Variants in DCC observed in about 807,000 individuals in gnomAD.
DCC encodes DCC netrin 1 receptor, also known as netrin receptor DCC.
In DCC, 58 loss-of-function variants were observed where a neutral mutation model predicts 172.5. That is an observed-to-expected ratio of 0.34 (90% CI 0.27 to 0.42). The LOEUF (loss-of-function observed/expected upper bound fraction) is 0.42. Among genes scored for constraint, DCC ranks in the 10% least tolerant of loss-of-function variants. The probability of loss-of-function intolerance (pLI) is 1.00; values close to 1 mark genes in which losing one functional copy is unlikely to be tolerated. For missense variants in DCC, 1,740 were observed against 1,791.0 expected (o/e 0.97, Z 0.51); for synonymous variants, 709 against 644.5 (o/e 1.10, Z -1.52).
intron 5 of DCC, among the ~76,000 whole-genome samples, chr18:53,026,504 T>G (rs921335669): frequency 2.6e-5 from 4 of 152,170 alleles, no homozygotes; most frequent in Non-Finnish European, 5.9e-5. Context: ...TCTGAATTAA[T>G]AACTCACACC....
chr18:53,012,574 A>AT (rs2041745835), intron 5 of DCC, among the ~76,000 whole-genome samples: 1 of 152,082 alleles, frequency 6.6e-6, no homozygotes, highest in Admixed American at 6.6e-5. Flanking sequence ...TTATCTCTTG[A>AT]TTTTGTTGGT....
intron 16 of DCC, among the ~76,000 whole-genome samples, chr18:53,390,759 T>G (rs565647901): frequency 2.6e-5 from 4 of 152,318 alleles, no homozygotes; most frequent in African/African-American, 9.6e-5. Flanking sequence ...CAGATTCCCA[T>G]TATATTATGG....
Position 53,090,732 on chromosome 18 carries a change from A to AAAT in DCC, c.1261+24568_1261+24569insTAA, listed in dbSNP as rs1568298492. Among the ~76,000 whole-genome samples, 10 of 129,076 alleles carry AAAT rather than the reference A, an allele frequency of 7.7e-5. 1 individual carries two copies. Among genetic ancestry groups the AAAT allele is most frequent in the African/African-American group, 2.4e-4 (8 of 34,038 alleles). 84.7% of individuals were successfully genotyped at this position (129,076 alleles called of 152,430 possible). On this transcript the variant is annotated intron_variant, in intron 7 of 28. Transcript: ENST00000442544. ...AAAAAAAAAAAAAAAAAAAAAAAAA[A>AAAT]AAGAATGTATCGTGTTTCTTGATGC... is the stretch of plus-strand genomic sequence containing the variant.
chr18:53,105,923 G>A (rs1370571335), intron 7 of DCC, among the ~76,000 whole-genome samples: 2 of 151,314 alleles, frequency 1.3e-5, no homozygotes, highest in African/African-American at 2.4e-5. Context: ...GAGGCATTTT[G>A]TCTGTTCGCC....
intron 1 of DCC, among the ~76,000 whole-genome samples, chr18:52,591,767 TTTTC>T (rs887349340): frequency 1.7e-4 from 26 of 150,600 alleles, no homozygotes; most frequent in African/African-American, 5.6e-4. Context: ...CTTTTTTTGT[TTTTC>T]TTTCTTTATT....
intron 1 of DCC, among the ~76,000 whole-genome samples, chr18:52,732,917 T>G (rs1490437984): frequency 6.6e-6 from 1 of 152,208 alleles, no homozygotes; most frequent in African/African-American, 2.4e-5. Context: ...TGTCCTGATG[T>G]GTTCATTTGA....
chr18:52,789,181 T>G (rs2037714758), intron 2 of DCC, among the ~76,000 whole-genome samples: 1 of 152,176 alleles, frequency 6.6e-6, no homozygotes, highest in Non-Finnish European at 1.5e-5. Flanking sequence ...GATAACACAA[T>G]GAAAAACAGC....
At chr18:52,925,172 T>C in intron 4 of DCC, 62 bp from the exon 5 acceptor site, 1 of 1,517,360 alleles carries the variant, frequency 6.6e-7, no homozygotes, top group Non-Finnish European at 9.1e-7. Flanking sequence ...TTTAAAGCTC[T>C]GAGTATCTTG....
chr18:53,401,844 C>T (rs1433331889), intron 18 of DCC, among the ~76,000 whole-genome samples: 1 of 152,160 alleles, frequency 6.6e-6, no homozygotes. Context: ...CTGGAAGATC[C>T]TTGGCTAGCT....
At chr18:53,451,370 A>G (rs1461562104) in intron 23 of DCC, among the ~76,000 whole-genome samples, 1 of 152,168 alleles carries the variant, frequency 6.6e-6, no homozygotes, top group East Asian at 1.9e-4. Context: ...TTGCAGCAAC[A>G]CCCTGTAACT....
At chr18:53,182,734 A>G (rs185901484) in intron 9 of DCC, among the ~76,000 whole-genome samples, 80 of 152,284 alleles carry the variant, frequency 5.3e-4, no homozygotes, top group African/African-American at 1.8e-3. Context: ...AGCCTGCTCA[A>G]TAAGACACCC....
intron 7 of DCC, among the ~76,000 whole-genome samples, chr18:53,075,869 G>A (rs759360263): frequency 6.6e-6 from 1 of 152,100 alleles, no homozygotes; most frequent in Admixed American, 6.5e-5. Flanking sequence ...CTGGTCTCAA[G>A]GCTGCAATTG....
At chr18:52,389,218 T>C (rs1000214966) in intron 1 of DCC, among the ~76,000 whole-genome samples, 2 of 152,274 alleles carry the variant, frequency 1.3e-5, no homozygotes, top group Admixed American at 6.5e-5. Flanking sequence ...TTTGGCAATG[T>C]ATGCAGACAT....
At chr18:52,462,451 C>G (rs951028367) in intron 1 of DCC, among the ~76,000 whole-genome samples, 1 of 152,128 alleles carries the variant, frequency 6.6e-6, no homozygotes, top group Non-Finnish European at 1.5e-5. Flanking sequence ...CACACTGCCT[C>G]GTGTCAGCCT....
At chr18:53,035,666 C>T (rs12327128) in intron 5 of DCC, among the ~76,000 whole-genome samples, 1 of 152,006 alleles carries the variant, frequency 6.6e-6, no homozygotes, top group Non-Finnish European at 1.5e-5. Context: ...TGGAAGCAGC[C>T]TAAATGAACG....
At chr18:52,385,353 G>T (rs1280262421) in intron 1 of DCC, among the ~76,000 whole-genome samples, 3 of 151,476 alleles carry the variant, frequency 2.0e-5, no homozygotes, top group African/African-American at 7.3e-5. Context: ...TCAGCTCACC[G>T]CAACCTCTGC....
chr18:52,855,870 G>C (rs1477579212), intron 2 of DCC, among the ~76,000 whole-genome samples: 1 of 149,140 alleles, frequency 6.7e-6, no homozygotes, highest in Non-Finnish European at 1.5e-5. Flanking sequence ...GGTTCATGCA[G>C]TTCTCCTGCC....
At chr18:52,835,514 G>A (rs1332834944) in intron 2 of DCC, among the ~76,000 whole-genome samples, 1 of 152,144 alleles carries the variant, frequency 6.6e-6, no homozygotes, top group Admixed American at 6.5e-5. Context: ...ATTTTCAGGA[G>A]ACAGATTTTG....
At chr18:53,274,946 A>G (rs2056789168) in intron 12 of DCC, among the ~76,000 whole-genome samples, 1 of 152,112 alleles carries the variant, frequency 6.6e-6, no homozygotes, top group East Asian at 1.9e-4. Flanking sequence ...AGACAGTTGC[A>G]TTTTGGGTAG....
Sources: gnomAD v4.1 joint callset for allele counts (sites outside exome capture counted in the v4.1 genomes callset) on GRCh38, gnomAD v4.1.1 for gene constraint, MANE v1.5 for transcripts, NCBI Gene and HGNC (gene_info 2026-07-23, HGNC 2026-07-21) for gene names.